BRINP3: variants seen among roughly 807,000 people sequenced by gnomAD.
BRINP3 encodes BMP/retinoic acid-inducible neural-specific protein 3.
Under a neutral mutation model 71.0 loss-of-function variants are expected in BRINP3, and 19 were observed. The ratio of observed to expected loss-of-function variants is 0.27; its 90% confidence interval spans 0.19 to 0.39. The LOEUF is 0.39. Among genes scored for constraint, BRINP3 ranks in the 10% least tolerant of loss-of-function variants. The probability of loss-of-function intolerance (pLI) is 1.00; values close to 1 mark genes in which losing one functional copy is unlikely to be tolerated. For missense variants in BRINP3, 959 were observed against 940.8 expected, an observed-to-expected ratio of 1.02 and a Z score of -0.25; for synonymous variants, 380 against 337.7, an observed-to-expected ratio of 1.13 and a Z score of -1.37.
At chr1:190,380,969 G>C (rs1670510605) in intron 2 of BRINP3, among the ~76,000 whole-genome samples, 1 of 151,924 alleles carries the variant, frequency 6.6e-6, no homozygotes, top group Non-Finnish European at 1.5e-5. Flanking sequence ...AGGAAGTCCA[G>C]TTATGCATAT....
chr1:190,186,130 C>A (rs931045937), intron 6 of BRINP3, among the ~76,000 whole-genome samples: 1 of 152,058 alleles, frequency 6.6e-6, no homozygotes, highest in African/African-American at 2.4e-5. Context: ...AATCTCAGCA[C>A]TTTTGGAGGC....
chr1:190,210,904 T>G (rs1181540647), intron 6 of BRINP3, among the ~76,000 whole-genome samples: 1 of 152,112 alleles, frequency 6.6e-6, no homozygotes, highest in Non-Finnish European at 1.5e-5. Flanking sequence ...CTACGCTTGT[T>G]GAGTCTTCCA....
At chr1:190,198,524 C>A (rs1175687343) in intron 6 of BRINP3, among the ~76,000 whole-genome samples, 1 of 152,124 alleles carries the variant, frequency 6.6e-6, no homozygotes, top group African/African-American at 2.4e-5. Flanking sequence ...CAAATCACCT[C>A]TTGAATACTG....
intron 2 of BRINP3, among the ~76,000 whole-genome samples, chr1:190,305,770 C>A (rs1665052448): frequency 6.6e-6 from 1 of 150,988 alleles, no homozygotes. Context: ...CTGTAGATTT[C>A]AAAAAAGCTA....
Position 190,457,608 on chromosome 1 carries a change from T to C in BRINP3, c.-50-2668A>G, listed in dbSNP as rs372329671. Among the ~76,000 whole-genome samples the C allele has an allele frequency of 1.2e-4, 19 of 152,290 alleles. No individual in the cohort carries two copies. The East Asian group carries it at 3.5e-3, about 28-fold the overall frequency. ...ATTATAAAAATAGAGTGAGTTAATA[T>C]TTGTAAAATCCCTAGAATAGTGCCT... On this transcript the variant is annotated intron_variant, in intron 1 of 7. Coordinates refer to ENST00000367462, the MANE Select transcript of BRINP3 (RefSeq NM_199051.3).
At chr1:190,250,841 T>C (rs1019494472) in intron 4 of BRINP3, among the ~76,000 whole-genome samples, 10 of 152,110 alleles carry the variant, frequency 6.6e-5, no homozygotes, top group African/African-American at 2.2e-4. Flanking sequence ...ATTCACCAGA[T>C]AACTTAGCCT....
intron 1 of BRINP3, among the ~76,000 whole-genome samples, chr1:190,471,969 C>A (rs1571405441): frequency 6.6e-6 from 1 of 151,200 alleles, no homozygotes; most frequent in African/African-American, 2.4e-5. Context: ...ATTCATTTGA[C>A]ACCATAACAC....
intron 2 of BRINP3, among the ~76,000 whole-genome samples, chr1:190,383,305 G>T (rs955796826): frequency 6.6e-6 from 1 of 151,962 alleles, no homozygotes; most frequent in African/African-American, 2.4e-5. Context: ...CCACCTTTAG[G>T]TTGCAATATT....
chr1:190,423,636 TATAAAGA>T (rs1350597116), intron 2 of BRINP3, among the ~76,000 whole-genome samples: 8 of 151,870 alleles, frequency 5.3e-5, no homozygotes, highest in Non-Finnish European at 1.0e-4. Context: ...ATCAAGACAT[TATAAAGA>T]ATAAAGTGTT....
chr1:190,364,028 T>G (rs1303040440), intron 2 of BRINP3, among the ~76,000 whole-genome samples: 1 of 150,134 alleles, frequency 6.7e-6, no homozygotes, highest in Admixed American at 6.7e-5. Flanking sequence ...AGAGTACACT[T>G]TTATGTGAAA....
Position 190,417,708 on chromosome 1 carries a change from T to C in BRINP3, c.236+36947A>G, listed in dbSNP as rs188719955. ...GCAAACAATATAAAAATATAGACTT[T>C]TAAAAAACTTGTTATAAATGCAAAG... is the stretch of plus-strand genomic sequence containing the variant. On this transcript the variant is annotated intron_variant, in intron 2 of 7. Transcript: ENST00000367462. Among the ~76,000 whole-genome samples, 16 of 152,292 alleles carry C rather than the reference T, an allele frequency of 1.1e-4. 2 individuals are homozygous for C. The highest frequency in any genetic ancestry group is 8.5e-4 in the Admixed American group (13 of 15,306).
chr1:190,365,806 G>GTGTGTATATATA (rs913644308), intron 2 of BRINP3, among the ~76,000 whole-genome samples: 38 of 127,872 alleles, frequency 3.0e-4, no homozygotes, highest in Admixed American at 5.9e-4. Flanking sequence ...GAGAGCAAGT[G>GTGTGTATATATA]TATATATATA....
intron 3 of BRINP3, among the ~76,000 whole-genome samples, chr1:190,276,743 T>C (rs933654236): frequency 2.6e-5 from 4 of 151,442 alleles, no homozygotes; most frequent in African/African-American, 9.7e-5. Context: ...TTTTTGCACA[T>C]TGATCATGAA....
At chr1:190,236,518 A>G (rs1158454125) in intron 4 of BRINP3, among the ~76,000 whole-genome samples, 1 of 151,976 alleles carries the variant, frequency 6.6e-6, no homozygotes, top group Admixed American at 6.6e-5. Context: ...TATTTTCTAA[A>G]TGATAACTCC....
intron 2 of BRINP3, among the ~76,000 whole-genome samples, chr1:190,408,949 A>G (rs1672480093): frequency 6.6e-6 from 1 of 152,218 alleles, no homozygotes. Context: ...CCTTGTCTAA[A>G]GAAATTTTTT....
At chr1:190,119,275 TA>T (rs869074341) in intron 7 of BRINP3, among the ~76,000 whole-genome samples, 5 of 28,940 alleles carry the variant, frequency 1.7e-4, no homozygotes, top group Non-Finnish European at 3.1e-4. Context: ...ATTTTTATTT[TA>T]TTATTATTAT....
At chr1:190,280,454 G>A (rs1451389543) in intron 3 of BRINP3, among the ~76,000 whole-genome samples, 1 of 151,620 alleles carries the variant, frequency 6.6e-6, no homozygotes, top group Non-Finnish European at 1.5e-5. Context: ...GACCATTTGA[G>A]TATTGTAGGA....
chr1:190,115,133 T>A (rs1653022513), intron 7 of BRINP3, among the ~76,000 whole-genome samples: 1 of 152,170 alleles, frequency 6.6e-6, no homozygotes, highest in Non-Finnish European at 1.5e-5. Context: ...ATAGTCCCCA[T>A]GTACTCAATA....
In BRINP3 at chr1:190,310,606, T is replaced by A. The variant is rs189462637; in HGVS notation, c.237-28856A>T. 1.1e-4 allele frequency among the ~76,000 whole-genome samples: 16 copies of A among 151,834 alleles called. No homozygotes were observed. In the East Asian group the frequency reaches 2.7e-3, roughly 26 times the overall value. ...CCAAGATCATCAGTTATGGCCAACT[T>A]AATGCATTATTATCATCTTCTCATA... On this transcript the variant is annotated intron_variant, in intron 2 of 7. Transcript: ENST00000367462.
Sources: gnomAD v4.1 joint callset for allele counts (sites outside exome capture counted in the v4.1 genomes callset) on GRCh38, gnomAD v4.1.1 for gene constraint, MANE v1.5 for transcripts, NCBI Gene and HGNC (gene_info 2026-07-23, HGNC 2026-07-21) for gene names.